The following SNTB2 variants were observed in gnomAD, a reference collection of about 807,000 sequenced individuals.
The protein encoded by SNTB2 is syntrophin beta 2, also known as beta-2-syntrophin.
A neutral mutation model predicts 46.2 loss-of-function variants in SNTB2; 34 were observed. The observed-to-expected ratio is 0.74, with a 90% CI of 0.56 to 0.98. SNTB2 has a LOEUF of 0.98. Among genes scored for constraint, SNTB2 ranks in the 50% least tolerant of loss-of-function variants. The probability of loss-of-function intolerance (pLI) is 0.00; values close to 1 mark genes in which losing one functional copy is unlikely to be tolerated. For missense variants in SNTB2, 603 were observed against 731.4 expected (o/e 0.82, Z 2.02); for synonymous variants, 290 against 312.6 (o/e 0.93, Z 0.76).
chr16:69,188,101 AACTC>A (rs966161906), intron 1 of SNTB2, among the ~76,000 whole-genome samples: 1 of 151,562 alleles, frequency 6.6e-6, no homozygotes. Flanking sequence ...GTTGGCGCTT[AACTC>A]ACTCACCTCT....
chr16:69,277,473 A>G (rs1265196078), intron 4 of SNTB2, among the ~76,000 whole-genome samples: 1 of 152,252 alleles, frequency 6.6e-6, no homozygotes, highest in Non-Finnish European at 1.5e-5. Context: ...TGAAATTTCA[A>G]GGGAAACCAG....
chr16:69,266,463 G>A (rs1029761969), intron 3 of SNTB2, among the ~76,000 whole-genome samples: 5 of 151,770 alleles, frequency 3.3e-5, no homozygotes, highest in Non-Finnish European at 5.9e-5. Flanking sequence ...ATGGTAAGTA[G>A]AAGAGGGAAA....
chr16:69,231,898 A>C (rs1964509352), intron 1 of SNTB2, among the ~76,000 whole-genome samples: 1 of 152,208 alleles, frequency 6.6e-6, no homozygotes, highest in Non-Finnish European at 1.5e-5. Flanking sequence ...CATTCCAAAG[A>C]AAAAACACTT....
intron 1 of SNTB2, among the ~76,000 whole-genome samples, chr16:69,203,522 C>T (rs1233109992): frequency 6.6e-6 from 1 of 150,892 alleles, no homozygotes; most frequent in Non-Finnish European, 1.5e-5. Context: ...AATTGTTTTG[C>T]AGAGACAGGA....
chr16:69,193,064 T>C lies in SNTB2; in HGVS notation c.580+5318T>C, dbSNP rs138868974. Among the ~76,000 whole-genome samples, 413 of 152,168 alleles carry C rather than the reference T, an allele frequency of 2.7e-3. 5 individuals are homozygous for C. The East Asian group carries it at 0.03, about 11-fold the overall frequency. ...TGAAATAGATGAGAAAGTTGAGCAG[T>C]GTATTTTTGAATTTAATCTGTCATG... On this transcript the variant is annotated intron_variant, in intron 1 of 6. Coordinates refer to ENST00000336278, the MANE Select transcript of SNTB2 (RefSeq NM_006750.4).
At chr16:69,263,304 C>G (rs1964854115) in intron 3 of SNTB2, among the ~76,000 whole-genome samples, 1 of 151,930 alleles carries the variant, frequency 6.6e-6, no homozygotes. Flanking sequence ...GAGATAGGAT[C>G]TCACTGTGTT....
intron 4 of SNTB2, among the ~76,000 whole-genome samples, chr16:69,282,306 C>CAAA (rs751287865): frequency 2.7e-5 from 3 of 113,088 alleles, no homozygotes; most frequent in African/African-American, 9.7e-5. Flanking sequence ...ACTAAAAATA[C>CAAA]AAAAAAAAAA....
intron 1 of SNTB2, among the ~76,000 whole-genome samples, chr16:69,215,396 A>AAAAAG (rs1221175535): frequency 3.3e-5 from 5 of 152,162 alleles, no homozygotes; most frequent in African/African-American, 9.7e-5. Flanking sequence ...CTAAAAATAA[A>AAAAAG]AAAAGAAAAG....
intron 3 of SNTB2, 112 bp from the exon 4 acceptor site, chr16:69,270,031 T>C: frequency 3.4e-6 from 4 of 1,193,414 alleles, no homozygotes; most frequent in Non-Finnish European, 4.9e-6. Flanking sequence ...GTAAAGTCCA[T>C]CAGGTTGGGA....
intron 1 of SNTB2, among the ~76,000 whole-genome samples, chr16:69,219,195 T>G (rs1402830591): frequency 6.6e-6 from 1 of 152,214 alleles, no homozygotes; most frequent in Non-Finnish European, 1.5e-5. Context: ...GAACTTTTCA[T>G]TGTTTAGCCA....
intron 5 of SNTB2, among the ~76,000 whole-genome samples, chr16:69,294,486 G>A (rs1965203985): frequency 6.6e-6 from 1 of 152,062 alleles, no homozygotes; most frequent in Admixed American, 6.6e-5. Flanking sequence ...CATTTTGGGA[G>A]GCCAAGGAGG....
rs1328089341 is a variant in SNTB2 at position 69,292,377 on chromosome 16, TATTA to T, written c.1346-7212_1346-7209del. Reference sequence around the variant, plus strand: ...TTTTATATATATATATATATATATATATTATATATATATTATATATATATATATA... The same window carrying T: ...TTTTATATATATATATATATATATATTATATATATTATATATATATATATA... On this transcript the variant is annotated intron_variant, in intron 5 of 6. Coordinates refer to ENST00000336278, the MANE Select transcript of SNTB2 (RefSeq NM_006750.4). 7.7e-5 allele frequency among the ~76,000 whole-genome samples: 3 copies of T among 38,864 alleles called. 1 individual carries two copies. Among genetic ancestry groups the T allele is most frequent in the African/African-American group, 3.4e-4 (3 of 8,910 alleles). 25.5% of individuals were successfully genotyped at this position (38,864 alleles called of 152,430 possible).
intron 1 of SNTB2, among the ~76,000 whole-genome samples, chr16:69,188,084 G>A (rs1964012487): frequency 6.6e-6 from 1 of 151,854 alleles, no homozygotes; most frequent in South Asian, 2.1e-4. Context: ...CCGCTGAGAA[G>A]TGCCGGGTTG....
rs1213369389 is a variant in SNTB2, at chr16:69,307,998, A to G, written c.*7074A>G. 6.6e-6 allele frequency: 1 copy of G among 152,254 alleles called. No individual in the cohort carries two copies. The highest frequency in any genetic ancestry group is 1.9e-4 in the East Asian group (1 of 5,198). 9.4% of individuals were successfully genotyped at this position (152,254 alleles called of 1,614,324 possible). ...ATCTCTAGGGTTAGCTTTTCAGGCA[A>G]CATCCTTGGTCATTGCCCAGAAAGT... On this transcript the variant is annotated 3_prime_UTR_variant, in exon 7 of 7. Transcript: ENST00000336278.
intron 4 of SNTB2, 132 bp downstream of exon 4, chr16:69,270,417 A>C: frequency 8.8e-7 from 1 of 1,135,392 alleles, no homozygotes; most frequent in Non-Finnish European, 1.2e-6. Context: ...GATGCAGACA[A>C]AAATTTTTTG....
At chr16:69,280,890 C>T (rs1421023148) in intron 4 of SNTB2, among the ~76,000 whole-genome samples, 1 of 151,928 alleles carries the variant, frequency 6.6e-6, no homozygotes, top group East Asian at 1.9e-4. Flanking sequence ...CTCTGCCTCC[C>T]GGGTTCACGC....
chr16:69,187,503 G>T lies in SNTB2; in HGVS notation c.337G>T (p.Val113Leu). 2.3e-6 allele frequency: 3 copies of T among 1,282,168 alleles called. No homozygotes were observed. The highest frequency in any genetic ancestry group is 2.7e-5 in the South Asian group (1 of 37,066). The allele number at this position is 1,282,168 out of a possible 1,614,324, so 79.4% of individuals were successfully genotyped here. The change falls in exon 1 of 7, where the codon GTG becomes TTG. Residue 113 changes from valine to leucine, a missense_variant. Coordinates refer to ENST00000336278, the MANE Select transcript of SNTB2 (RefSeq NM_006750.4). ...PAGEAGASPP[V>L]RRVRVVKQEA... ...GGGTGAGGCGGGCGCGTCGCCGCCC[G>T]TGCGCCGGGTGCGGGTGGTGAAGCA...
At chr16:69,273,860 C>T (rs1236040365) in intron 4 of SNTB2, among the ~76,000 whole-genome samples, 1 of 152,052 alleles carries the variant, frequency 6.6e-6, no homozygotes, top group Non-Finnish European at 1.5e-5. Context: ...GTTAAGTGCA[C>T]CCTAATGAGA....
rs867388713 is a variant in SNTB2, at chr16:69,292,408, T to C, written c.1346-7182T>C. On this transcript the variant is annotated intron_variant, in intron 5 of 6. Transcript: ENST00000336278. Reference sequence around the variant, plus strand: ...ATATATATTATATATATATATATATTATATATATATTATATATATATATAT... The same window carrying C: ...ATATATATTATATATATATATATATCATATATATATTATATATATATATAT... 6.5e-3 allele frequency among the ~76,000 whole-genome samples: 60 copies of C among 9,238 alleles called. 11 individuals carry two copies. Among genetic ancestry groups the C allele is most frequent in the Admixed American group, 8.8e-3 (7 of 794 alleles). The allele number at this position is 9,238 out of a possible 152,430, so 6.1% of individuals were successfully genotyped here.
Sources: allele counts gnomAD v4.1 joint callset (sites outside exome capture counted in the v4.1 genomes callset), GRCh38; gene constraint gnomAD v4.1.1; transcripts MANE v1.5; gene names NCBI Gene and HGNC (gene_info 2026-07-23, HGNC 2026-07-21).